PLXND1: variants seen among roughly 807,000 people sequenced by gnomAD.
PLXND1 encodes plexin D1.
In PLXND1, 54 loss-of-function variants were observed where a neutral mutation model predicts 197.7. That is an observed-to-expected ratio of 0.27 (90% CI 0.22 to 0.34). The LOEUF is 0.34. Among genes scored for constraint, PLXND1 ranks in the 10% least tolerant of loss-of-function variants. The pLI, the probability that PLXND1 is intolerant of heterozygous loss-of-function variation, is 1.00. For synonymous variants in PLXND1, 1,180 were observed against 1,161.2 expected, an observed-to-expected ratio of 1.02 and a Z score of -0.33; for missense variants, 2,127 against 2,699.2, an observed-to-expected ratio of 0.79 and a Z score of 4.70.
intron 1 of PLXND1, among the ~76,000 whole-genome samples, chr3:129,604,689 C>A (rs2085758241): frequency 1.3e-5 from 2 of 152,230 alleles, no homozygotes; most frequent in African/African-American, 4.8e-5. Context: ...CCTCAGAGTA[C>A]CGACTCATGC....
chr3:129,605,716 G>C lies in PLXND1; in HGVS notation c.924C>G (p.Gly308=). The C allele has an allele frequency of 6.5e-7, 1 of 1,540,920 alleles. No homozygotes were observed. Among genetic ancestry groups the C allele is most frequent in the East Asian group, 2.5e-5 (1 of 40,692 alleles). ...YLALNSEARA[G]DKESQARSLL... Reference sequence around the variant, plus strand: ...GGCTCCGCGCCTGGCTCTCCTTGTCGCCCGCGCGCGCCTCGCTGTTGAGCG... The same window carrying C: ...GGCTCCGCGCCTGGCTCTCCTTGTCCCCCGCGCGCGCCTCGCTGTTGAGCG... The change falls in exon 1 of 36, where the codon GGC becomes GGG. Residue 308 remains glycine (G), a synonymous_variant. Coordinates refer to ENST00000324093, the MANE Select transcript of PLXND1 (RefSeq NM_015103.3).
In PLXND1 at chr3:129,556,355, G is replaced by A. The variant is rs1273908900; in HGVS notation, c.5735C>T (p.Ala1912Val). 1 of 1,614,102 alleles carries A rather than the reference G, an allele frequency of 6.2e-7. No homozygotes were observed. The change falls in exon 36 of 36, where the codon GCT becomes GTT. Residue 1912 changes from alanine to valine, a missense_variant. By Grantham distance (64) the Ala-to-Val change is moderately conservative (BLOSUM62 0). Transcript: ENST00000324093. ...CTCGTAGATGTTGTCCTCCATCAAA[G>A]CCACCACCTGCTCAAACTTGTGCTG... ...QLQHKFEQVVALMEDNIYECY... is the reference protein window; with the variant it reads ...QLQHKFEQVVVLMEDNIYECY...
Position 129,583,618 on chromosome 3 carries a change from C to G in PLXND1, c.2190G>C (p.Gln730His). ...GAGACTGGTTGGAAACACAGGAGTG[C>G]TGCTGGCTGCACCAGAAACAGGGCC... ...AQWPCFWCSQ[Q>H]HSCVSNQSRC... The change falls in exon 8 of 36, where the codon CAG becomes CAC. Residue 730 changes from glutamine (Q) to histidine (H), a missense_variant. Physicochemically the swap from Gln to His is conservative, Grantham distance 24. Coordinates refer to ENST00000324093, the MANE Select transcript of PLXND1 (RefSeq NM_015103.3). 6.2e-7 allele frequency: 1 copy of G among 1,613,876 alleles called. No homozygotes were observed. The highest frequency in any genetic ancestry group is 8.5e-7 in the Non-Finnish European group (1 of 1,179,984).
rs141540298 is a variant in PLXND1, at chr3:129,571,535, C to T, written c.3310G>A (p.Val1104Ile). 9.3e-4 allele frequency: 1,502 copies of T among 1,613,570 alleles called. 1 individual carries two copies. The highest frequency in any genetic ancestry group is 1.1e-3 in the Non-Finnish European group (1,338 of 1,179,920). ...GTGGGCTCCCGGCCAATGTGGTGGACGGCCATGGACACATTCTGCACCATG... is the reference window on the plus strand; with the variant it reads ...GTGGGCTCCCGGCCAATGTGGTGGATGGCCATGGACACATTCTGCACCATG... ...FHMVQNVSMA[V>I]HHIGREPTLC... The change falls in exon 17 of 36, where the codon GTC becomes ATC. Residue 1104 changes from valine (V) to isoleucine (I), a missense_variant. By Grantham distance (29) the Val-to-Ile change is conservative. This residue lies in a region of PLXND1 where 532 missense variants were observed against 811.0 expected (regional missense o/e 0.66). Coordinates refer to ENST00000324093, the MANE Select transcript of PLXND1 (RefSeq NM_015103.3).
Position 129,606,327 on chromosome 3 carries a change from G to A in PLXND1, c.313C>T (p.His105Tyr), listed in dbSNP as rs1214289026. The A allele has an allele frequency of 2.0e-6, 3 of 1,496,912 alleles. No homozygotes were observed. The highest frequency in any genetic ancestry group is 2.7e-6 in the Non-Finnish European group (3 of 1,129,384). The allele number at this position is 1,496,912 out of a possible 1,614,324, so 92.7% of individuals were successfully genotyped here. A position where few individuals can be genotyped will look rare whatever the true frequency, so the allele number is the denominator to read the frequency against. Residue 105 changes from histidine to tyrosine, a missense_variant, in exon 1 of 36, where the codon CAC becomes TAC. By Grantham distance (83) the His-to-Tyr change is moderately conservative (BLOSUM62 2). This residue lies in a region of PLXND1 where 245 missense variants were observed against 267.1 expected (regional missense o/e 0.92). Transcript: ENST00000324093. ...VGPVPDSPLC[H>Y]APQLPQASCE... ...GAGGCCTGCGGCAGCTGCGGAGCGTGACACAGCGGGCTGTCGGGCACCGGG... is the reference window on the plus strand; with the variant it reads ...GAGGCCTGCGGCAGCTGCGGAGCGTAACACAGCGGGCTGTCGGGCACCGGG...
Position 129,571,678 on chromosome 3 carries a change from T to G in PLXND1, c.3244A>C (p.Ser1082Arg). Residue 1082 changes from serine (S) to arginine (R), a missense_variant and splice_region_variant, in exon 16 of 36, where the codon AGT becomes CGT. Ser to Arg is a moderately radical substitution (Grantham distance 110). Transcript: ENST00000324093. ...GGAAGGGCGGGGTGCCAGTCTCACC[T>G]GACAGGGCTGCGGCGGGGACTGATG... ...TAISPRRSPVSGGRTITVAGE... is the reference protein window; with the variant it reads ...TAISPRRSPVRGGRTITVAGE... 1 of 1,613,972 alleles carries G rather than the reference T, an allele frequency of 6.2e-7. No homozygotes were observed. Among genetic ancestry groups the G allele is most frequent in the South Asian group, 1.1e-5 (1 of 91,078 alleles).
At chr3:129,596,874 C>T (rs1004254285) in intron 1 of PLXND1, among the ~76,000 whole-genome samples, 2 of 152,152 alleles carry the variant, frequency 1.3e-5, no homozygotes, top group African/African-American at 4.8e-5. Context: ...TGGAGCCTTG[C>T]GCAAACATCT....
rs1192068192 is a variant in PLXND1 at position 129,605,658 on chromosome 3, C to T, written c.982G>A (p.Gly328Ser). 4.6e-6 allele frequency: 7 copies of T among 1,536,774 alleles called. No individual in the cohort carries two copies. Among genetic ancestry groups the T allele is most frequent in the Non-Finnish European group, 8.7e-7 (1 of 1,145,268 alleles). ...TCGGTGAGCTTCTTGGCGTCGCCGC[C>T]GGCGCCGTGGGGCAGGCAGATGCGC... ...LARICLPHGA[G>S]GDAKKLTESY... Residue 328 changes from glycine to serine, a missense_variant, in exon 1 of 36, where the codon GGC (glycine) becomes AGC (serine). Gly to Ser is a moderately conservative substitution (Grantham distance 56). Transcript: ENST00000324093.
intron 1 of PLXND1, among the ~76,000 whole-genome samples, chr3:129,601,024 G>C (rs1272970371): frequency 2.0e-5 from 3 of 152,070 alleles, no homozygotes; most frequent in Non-Finnish European, 4.4e-5. Flanking sequence ...GAAAGACTTG[G>C]GGAAGGAAGG....
intron 1 of PLXND1, among the ~76,000 whole-genome samples, chr3:129,602,805 C>T (rs943224364): frequency 6.6e-6 from 1 of 152,134 alleles, no homozygotes; most frequent in Admixed American, 6.5e-5. Context: ...ACTGGGTACA[C>T]TGAGCTGCAT....
At chr3:129,583,908 T>C (rs2085420389) in intron 7 of PLXND1, among the ~76,000 whole-genome samples, 1 of 152,152 alleles carries the variant, frequency 6.6e-6, no homozygotes, top group Admixed American at 6.5e-5. Context: ...TCAAAGCACT[T>C]TGCCCCGTCC....
chr3:129,581,029 T>A (rs1194817812), intron 8 of PLXND1, among the ~76,000 whole-genome samples: 1 of 152,058 alleles, frequency 6.6e-6, no homozygotes, highest in Non-Finnish European at 1.5e-5. Flanking sequence ...CCTTCCAGCA[T>A]CCTCCACTTT....
intron 19 of PLXND1, 173 bp downstream of exon 19, chr3:129,570,613 G>T: frequency 1.5e-6 from 1 of 658,004 alleles, no homozygotes; most frequent in Non-Finnish European, 2.6e-6. Flanking sequence ...CTAAGTTCTT[G>T]GGCCTCAGTT....
chr3:129,559,478 A>G, intron 32 of PLXND1, 142 bp downstream of exon 32: 1 of 645,058 alleles, frequency 1.6e-6, no homozygotes. Context: ...AGGCTAAGTC[A>G]CTCATCCGAG....
chr3:129,569,032 T>G (rs1413697261), intron 20 of PLXND1, among the ~76,000 whole-genome samples: 7 of 152,248 alleles, frequency 4.6e-5, no homozygotes, highest in Non-Finnish European at 1.0e-4. Context: ...TCTAAACATT[T>G]CATATAAATG....
chr3:129,572,980 C>T, intron 13 of PLXND1, 39 bp from the exon 14 acceptor site: 1 of 1,467,034 alleles, frequency 6.8e-7, no homozygotes, highest in Non-Finnish European at 9.5e-7. Context: ...GGTCCTTGGC[C>T]CCCACGGCCA....
Position 129,566,519 on chromosome 3 carries a change from G to T in PLXND1, c.4191+8C>A, listed in dbSNP as rs771906419. The stretch of plus-strand genomic sequence containing the variant: ...CAGCCCACTGTGTGTGGGTCGTGGG[G>T]TACTCACCTTCCACTCTCCCAGCAG... On this transcript the variant is annotated splice_region_variant and intron_variant, in intron 23 of 35. Coordinates refer to ENST00000324093, the MANE Select transcript of PLXND1 (RefSeq NM_015103.3). The T allele has an allele frequency of 5.1e-6, 8 of 1,560,778 alleles. No individual in the cohort carries two copies. In the Admixed American group the frequency reaches 1.3e-4, roughly 26 times the overall value.
Position 129,574,305 on chromosome 3 carries a change from G to A in PLXND1, c.2685+31C>T, listed in dbSNP as rs547632972. The A allele has an allele frequency of 7.7e-6, 12 of 1,556,802 alleles. No homozygotes were observed. In the East Asian group the frequency reaches 2.1e-4, roughly 28 times the overall value. ...TGCGCATGCGCCGTGCCGGAGTGCG[G>A]GTGCCACGTGCCTCCACTGGGCATG... On this transcript the variant is annotated intron_variant, in intron 12 of 35. Transcript: ENST00000324093.
chr3:129,569,194 T>C (rs1255422312), intron 20 of PLXND1: 1 of 152,418 alleles, frequency 6.6e-6, no homozygotes, highest in Non-Finnish European at 1.5e-5. Context: ...TTTATTCATT[T>C]ATTGGTTGAT....
Sources: gnomAD v4.1 joint callset for allele counts (sites outside exome capture counted in the v4.1 genomes callset) on GRCh38, gnomAD v4.1.1 for gene constraint, gnomAD v4.1.1 regional missense constraint, MANE v1.5 for transcripts, NCBI Gene and HGNC (gene_info 2026-07-23, HGNC 2026-07-21) for gene names.